The following ASAP1 variants were observed in gnomAD, a reference collection of about 807,000 sequenced individuals.
The protein encoded by ASAP1 is ArfGAP with SH3 domain, ankyrin repeat and PH domain 1, also known as arf-GAP with SH3 domain, ANK repeat and PH domain-containing protein 1.
Under a neutral mutation model 145.2 loss-of-function variants are expected in ASAP1, and 43 were observed. The observed-to-expected ratio is 0.30, with a 90% confidence interval of 0.23 to 0.38. The LOEUF is 0.38. ASAP1 is among the 10% of genes least tolerant of loss of function. The pLI is 1.00. For missense variants in ASAP1, 1,018 were observed against 1,355.3 expected, an observed-to-expected ratio of 0.75 and a Z score of 3.91; for synonymous variants, 546 against 515.5, an observed-to-expected ratio of 1.06 and a Z score of -0.80.
At chr8:130,396,809 G>T (rs1828552040) in intron 2 of ASAP1, among the ~76,000 whole-genome samples, 1 of 152,190 alleles carries the variant, frequency 6.6e-6, no homozygotes, top group African/African-American at 2.4e-5. Flanking sequence ...GCGTCTGCTT[G>T]ACATTTGGAA....
intron 5 of ASAP1, among the ~76,000 whole-genome samples, chr8:130,202,770 C>T (rs1815950538): frequency 6.6e-6 from 1 of 152,118 alleles, no homozygotes; most frequent in Non-Finnish European, 1.5e-5. Context: ...GGTGGTGGAG[C>T]AGAGATAGAA....
chr8:130,219,598 A>G (rs1159228014), intron 4 of ASAP1, among the ~76,000 whole-genome samples: 1 of 152,228 alleles, frequency 6.6e-6, no homozygotes, highest in East Asian at 1.9e-4. Context: ...TAAGATCTTT[A>G]CTACATGCGA....
At chr8:130,289,365 C>T (rs1220296722) in intron 3 of ASAP1, among the ~76,000 whole-genome samples, 1 of 152,136 alleles carries the variant, frequency 6.6e-6, no homozygotes, top group South Asian at 2.1e-4. Context: ...TTTTTTCCTT[C>T]TTCCTATGTT....
intron 4 of ASAP1, among the ~76,000 whole-genome samples, chr8:130,220,673 T>C (rs942493403): frequency 1.3e-5 from 2 of 152,094 alleles, no homozygotes; most frequent in Admixed American, 6.5e-5. Context: ...CCCACTGTAT[T>C]AGTCCGTTCT....
chr8:130,312,770 G>C (rs150999475), intron 3 of ASAP1, among the ~76,000 whole-genome samples: 1 of 152,302 alleles, frequency 6.6e-6, no homozygotes, highest in East Asian at 1.9e-4. Context: ...ACAAAGCCTA[G>C]CACAGAAATT....
intron 5 of ASAP1, among the ~76,000 whole-genome samples, chr8:130,198,010 T>C (rs1241465020): frequency 6.6e-6 from 1 of 152,208 alleles, no homozygotes; most frequent in African/African-American, 2.4e-5. Context: ...CATGTCTCAT[T>C]TGCTGGCTCT....
intron 12 of ASAP1, among the ~76,000 whole-genome samples, chr8:130,157,558 A>T (rs1482186566): frequency 6.6e-6 from 1 of 152,072 alleles, no homozygotes; most frequent in African/African-American, 2.4e-5. Flanking sequence ...CTTCCAAAAC[A>T]TGTTGGATTA....
chr8:130,056,227 A>G (rs773466881), intron 29 of ASAP1, among the ~76,000 whole-genome samples: 3 of 152,208 alleles, frequency 2.0e-5, no homozygotes, highest in Non-Finnish European at 4.4e-5. Context: ...AGGCCCATAG[A>G]GCTAGTAACT....
intron 13 of ASAP1, among the ~76,000 whole-genome samples, chr8:130,140,188 A>G (rs979177276): frequency 6.6e-6 from 1 of 151,486 alleles, no homozygotes; most frequent in Non-Finnish European, 1.5e-5. Context: ...GCACACCATC[A>G]CACCTGGTTA....
intron 1 of ASAP1, among the ~76,000 whole-genome samples, chr8:130,434,585 T>C (rs187208236): frequency 6.6e-6 from 1 of 152,090 alleles, no homozygotes; most frequent in African/African-American, 2.4e-5. Context: ...CACAGCATCA[T>C]GACAAATGCT....
At chr8:130,147,685 G>A (rs2097635450) in intron 13 of ASAP1, among the ~76,000 whole-genome samples, 2 of 152,300 alleles carry the variant, frequency 1.3e-5, no homozygotes, top group Middle Eastern at 6.8e-3. Flanking sequence ...CATACAATAA[G>A]ATCCTGAATG....
intron 29 of ASAP1, among the ~76,000 whole-genome samples, chr8:130,055,413 T>C (rs554280613): frequency 5.3e-5 from 8 of 152,040 alleles, no homozygotes; most frequent in Non-Finnish European, 8.8e-5. Flanking sequence ...CCAGGTAGGA[T>C]GCATACAGAC....
At chr8:130,189,603 C>A (rs1484263195) in intron 5 of ASAP1, among the ~76,000 whole-genome samples, 1 of 152,182 alleles carries the variant, frequency 6.6e-6, no homozygotes, top group Non-Finnish European at 1.5e-5. Context: ...GTGAATAGTG[C>A]TCCGATGAAC....
At chr8:130,441,710 G>A (rs7463793) in intron 1 of ASAP1, among the ~76,000 whole-genome samples, 6,804 of 152,198 alleles carry the variant, frequency 0.045, 414 homozygotes, top group African/African-American at 0.14. Flanking sequence ...AATCTGGCTC[G>A]CTGTGGCTGG....
chr8:130,292,118 G>C (rs1178219431), intron 3 of ASAP1, among the ~76,000 whole-genome samples: 1 of 152,020 alleles, frequency 6.6e-6, no homozygotes, highest in Admixed American at 6.6e-5. Context: ...TACCCTTTTG[G>C]ATGCTATTAA....
At chr8:130,093,765 A>G (rs1366331647) in intron 24 of ASAP1, among the ~76,000 whole-genome samples, 4 of 149,434 alleles carry the variant, frequency 2.7e-5, no homozygotes, top group African/African-American at 9.8e-5. Flanking sequence ...GGGCTCCAAA[A>G]GAGCTTTATA....
At chr8:130,297,900 T>C (rs183281027) in intron 3 of ASAP1, among the ~76,000 whole-genome samples, 1 of 152,284 alleles carries the variant, frequency 6.6e-6, no homozygotes, top group East Asian at 1.9e-4. Flanking sequence ...ACTGGCAAAG[T>C]GACATGCTCT....
intron 1 of ASAP1, among the ~76,000 whole-genome samples, chr8:130,404,085 C>T (rs1319432965): frequency 2.6e-5 from 4 of 152,316 alleles, no homozygotes; most frequent in African/African-American, 9.6e-5. Context: ...TTAATATCTG[C>T]TAATTTTCTT....
chr8:130,173,389 T>G (rs1319497016), intron 9 of ASAP1, among the ~76,000 whole-genome samples: 1 of 152,176 alleles, frequency 6.6e-6, no homozygotes, highest in African/African-American at 2.4e-5. Flanking sequence ...CACCACGACC[T>G]GCCAAAACAT....
Sources: allele counts gnomAD v4.1 joint callset (sites outside exome capture counted in the v4.1 genomes callset), GRCh38; gene constraint gnomAD v4.1.1; transcripts MANE v1.5; gene names NCBI Gene and HGNC (gene_info 2026-07-23, HGNC 2026-07-21).